The following SPAG9 variants were observed in gnomAD, a reference collection of about 807,000 sequenced individuals.
The protein encoded by SPAG9 is sperm associated antigen 9.
SPAG9 carries 35 observed loss-of-function variants against 166.5 expected under a neutral mutation model. The observed-to-expected ratio is 0.21, with a 90% CI of 0.16 to 0.28. The LOEUF (loss-of-function observed/expected upper bound fraction) is 0.28, where lower values mean the gene tolerates loss of function less well. Among genes scored for constraint, SPAG9 ranks in the 10% least tolerant of loss-of-function variants. SPAG9 has a pLI of 1.00. For synonymous variants in SPAG9, 534 were observed against 565.5 expected, an observed-to-expected ratio of 0.94 and a Z score of 0.79; for missense variants, 1,235 against 1,603.3, an observed-to-expected ratio of 0.77 and a Z score of 3.92.
At chr17:50,968,560 G>A (rs1011874469) in intron 29 of SPAG9, among the ~76,000 whole-genome samples, 2 of 151,924 alleles carry the variant, frequency 1.3e-5, no homozygotes, top group South Asian at 2.1e-4. Flanking sequence ...GTGAAACCCC[G>A]TCTCTACTAA....
chr17:51,120,373 A>T lies in SPAG9; in HGVS notation c.284T>A (p.Leu95Gln), dbSNP rs2049445111. 1 of 1,599,682 alleles carries T rather than the reference A, an allele frequency of 6.3e-7. No homozygotes were observed. Among genetic ancestry groups the T allele is most frequent in the Non-Finnish European group, 8.5e-7 (1 of 1,174,234 alleles). Residue 95 changes from leucine (L) to glutamine (Q), a missense_variant, in exon 1 of 30, where the codon CTG becomes CAG. Leu to Gln is a moderately radical substitution (Grantham distance 113). Coordinates refer to ENST00000262013, the MANE Select transcript of SPAG9 (RefSeq NM_001130528.3). The surrounding 1 kb of genome is among the most constrained non-coding windows in gnomAD (Gnocchi z 4.7). ...CCTCACCTCCTCAGCGTGCTTGCGCAGCGCCTTCTCCCGCTCGTACTGGGT... is the reference window on the plus strand; with the variant it reads ...CCTCACCTCCTCAGCGTGCTTGCGCTGCGCCTTCTCCCGCTCGTACTGGGT... ...LITQYEREKA[L>Q]RKHAEEKFIE...
intron 2 of SPAG9, among the ~76,000 whole-genome samples, chr17:51,073,481 G>A (rs1157234702): frequency 1.3e-5 from 2 of 151,894 alleles, no homozygotes; most frequent in Non-Finnish European, 2.9e-5. Context: ...GAGCTGGAAT[G>A]TCTCAAAAAA....
At chr17:51,003,563 G>C (rs1232371772) in intron 12 of SPAG9, among the ~76,000 whole-genome samples, 1 of 152,190 alleles carries the variant, frequency 6.6e-6, no homozygotes, top group African/African-American at 2.4e-5. Context: ...GGAGACAACT[G>C]TATTAGCCAG....
Position 51,021,183 on chromosome 17 carries a change from G to A in SPAG9, c.966C>T (p.Ala322=). ...CAGTAGATACATTTCTAGTTTCCTG[G>A]GCTACCTGTACTTCAATGTGTTTGC... is the stretch of plus-strand genomic sequence containing the variant. ...EISKHIEVQV[A]QETRNVSTGS... Residue 322 remains alanine, a synonymous_variant, in exon 7 of 30, where the codon GCC becomes GCT. Transcript: ENST00000262013. 6.2e-7 allele frequency: 1 copy of A among 1,613,826 alleles called. No homozygotes were observed. Among genetic ancestry groups the A allele is most frequent in the Non-Finnish European group, 8.5e-7 (1 of 1,179,914 alleles).
intron 3 of SPAG9, among the ~76,000 whole-genome samples, chr17:51,051,374 C>T (rs552556349): frequency 1.3e-5 from 2 of 152,232 alleles, no homozygotes; most frequent in East Asian, 3.9e-4. Context: ...TCCCAAAGTG[C>T]TGGGATAACA....
In SPAG9 at chr17:51,050,994, GGAAA is replaced by G. The variant is rs369346319; in HGVS notation, c.496-3529_496-3526del. Among the ~76,000 whole-genome samples the G allele has an allele frequency of 7.3e-3, 985 of 135,300 alleles. 13 individuals are homozygous for G. The highest frequency in any genetic ancestry group is 0.024 in the African/African-American group (865 of 36,416). The allele number at this position is 135,300 out of a possible 152,430, so 88.8% of individuals were successfully genotyped here. A position where few individuals can be genotyped will look rare whatever the true frequency, so the allele number is the denominator to read the frequency against. On this transcript the variant is annotated intron_variant, in intron 3 of 29. Coordinates refer to ENST00000262013, the MANE Select transcript of SPAG9 (RefSeq NM_001130528.3). The stretch of plus-strand genomic sequence containing the variant: ...GAAGGGAGGGAGGAAAGGGAAGGAA[GGAAA>G]GAAAGAAAAGAAAGGAAGAAAGAGA...
chr17:51,009,756 C>T (rs998079011), intron 9 of SPAG9, among the ~76,000 whole-genome samples: 1 of 152,166 alleles, frequency 6.6e-6, no homozygotes, highest in East Asian at 1.9e-4. Context: ...CAAATGGAAA[C>T]ACATGATGGT....
intron 1 of SPAG9, among the ~76,000 whole-genome samples, chr17:51,105,082 C>T (rs973944714): frequency 1.1e-4 from 17 of 151,966 alleles, no homozygotes; most frequent in African/African-American, 3.9e-4. Flanking sequence ...GGCGACTGAG[C>T]GAGACTCTGT....
rs116737836 is a variant in SPAG9 at position 51,070,820 on chromosome 17, T to A, written c.424+8764A>T. ...AAAAAACACAGTGGCCATTAAATAA[T>A]TCTCATTAGAGGAAAAAATAAAGCA... On this transcript the variant is annotated intron_variant, in intron 2 of 29. Transcript: ENST00000262013. Among the ~76,000 whole-genome samples, 198 of 152,282 alleles carry A rather than the reference T, an allele frequency of 1.3e-3. 1 individual carries two copies. Among genetic ancestry groups the A allele is most frequent in the African/African-American group, 4.5e-3 (188 of 41,574 alleles).
intron 28 of SPAG9, among the ~76,000 whole-genome samples, chr17:50,973,590 A>G (rs957089501): frequency 4.6e-5 from 7 of 152,228 alleles, no homozygotes; most frequent in African/African-American, 1.7e-4. Flanking sequence ...AATAAGTATG[A>G]TGAGTAATTT....
intron 28 of SPAG9, among the ~76,000 whole-genome samples, chr17:50,971,267 C>T (rs1039655681): frequency 4.6e-5 from 7 of 151,936 alleles, no homozygotes; most frequent in Non-Finnish European, 1.0e-4. Flanking sequence ...TGATGCGCCA[C>T]TGTACTCCAG....
intron 1 of SPAG9, among the ~76,000 whole-genome samples, chr17:51,082,122 A>G (rs1172355295): frequency 6.6e-5 from 10 of 152,114 alleles, no homozygotes. Flanking sequence ...CACGCCTGTA[A>G]TCCTAGCACT....
chr17:51,035,641 C>T (rs1036641884), intron 5 of SPAG9, among the ~76,000 whole-genome samples: 1 of 152,222 alleles, frequency 6.6e-6, no homozygotes, highest in African/African-American at 2.4e-5. Flanking sequence ...ATGCAGCACA[C>T]ATTGACTGGC....
At chr17:51,016,909 GA>G (rs907271835) in intron 8 of SPAG9, among the ~76,000 whole-genome samples, 1 of 151,718 alleles carries the variant, frequency 6.6e-6, no homozygotes, top group African/African-American at 2.4e-5. Context: ...TCGGAGGAGG[GA>G]AAAAAATAAA....
chr17:51,085,199 A>T (rs1300926113), intron 1 of SPAG9: 1 of 152,224 alleles, frequency 6.6e-6, no homozygotes, highest in Non-Finnish European at 1.5e-5. Flanking sequence ...ATACTATTTT[A>T]AAAAACATAT....
intron 2 of SPAG9, among the ~76,000 whole-genome samples, chr17:51,066,658 C>G (rs1374326598): frequency 6.6e-6 from 1 of 151,318 alleles, no homozygotes; most frequent in East Asian, 1.9e-4. Context: ...AGATCGAGAC[C>G]ATCCTGGTCA....
intron 1 of SPAG9, among the ~76,000 whole-genome samples, chr17:51,088,909 A>G (rs1472920594): frequency 6.6e-6 from 1 of 150,996 alleles, no homozygotes; most frequent in Non-Finnish European, 1.5e-5. Context: ...TCTGGCCAAC[A>G]TGGTGCAACC....
Position 51,077,129 on chromosome 17 carries a change from T to G in SPAG9, c.424+2455A>C, listed in dbSNP as rs373902257. Among the ~76,000 whole-genome samples the G allele has an allele frequency of 4.5e-3, 677 of 150,886 alleles. 2 individuals carry two copies. The highest frequency in any genetic ancestry group is 0.01 in the Middle Eastern group (3 of 288). ...AGCTATCTAGCTATCTAGCTAGCTA[T>G]CTATCTATTTCTTTGAGACAGTTTC... On this transcript the variant is annotated intron_variant, in intron 2 of 29. Coordinates refer to ENST00000262013, the MANE Select transcript of SPAG9 (RefSeq NM_001130528.3).
intron 2 of SPAG9, among the ~76,000 whole-genome samples, chr17:51,077,093 T>TCTATCTAGCTATCTAGCTATCTAGCTAG (rs1555655359): frequency 5.3e-5 from 3 of 56,120 alleles, no homozygotes; most frequent in South Asian, 5.4e-4. Context: ...TAGCTAGCTA[T>TCTATCTAGCTATCTAGCTATCTAGCTAG]CTATCTAGCT....
Sources: gnomAD v4.1 joint callset for allele counts (sites outside exome capture counted in the v4.1 genomes callset) on GRCh38, gnomAD v4.1.1 for gene constraint, Gnocchi (gnomAD v3.1) non-coding constraint, MANE v1.5 for transcripts, NCBI Gene and HGNC (gene_info 2026-07-23, HGNC 2026-07-21) for gene names.